The following ALK variants were observed in gnomAD, a reference collection of about 807,000 sequenced individuals.
The protein encoded by ALK is ALK tyrosine kinase receptor.
Under a neutral mutation model 163.1 loss-of-function variants are expected in ALK, and 74 were observed. That is an observed-to-expected ratio of 0.45 (90% CI 0.38 to 0.55). The LOEUF (loss-of-function observed/expected upper bound fraction) is 0.55. ALK is among the 20% of genes least tolerant of loss of function. ALK has a pLI of 0.00. For synonymous variants in ALK, 960 were observed against 843.2 expected, an observed-to-expected ratio of 1.14 and a Z score of -2.40; for missense variants, 2,063 against 2,105.3, an observed-to-expected ratio of 0.98 and a Z score of 0.39.
At chr2:29,505,848 G>A (rs1224098221) in intron 4 of ALK, among the ~76,000 whole-genome samples, 1 of 149,152 alleles carries the variant, frequency 6.7e-6, no homozygotes, top group East Asian at 2.0e-4. Context: ...TCAGCAGTCA[G>A]CAACATCCAT....
At chr2:29,768,288 C>T (rs575568642) in intron 1 of ALK, among the ~76,000 whole-genome samples, 1 of 152,276 alleles carries the variant, frequency 6.6e-6, no homozygotes, top group Non-Finnish European at 1.5e-5. Flanking sequence ...TCTGGGTAAA[C>T]GGGGGCCCAG....
At chr2:29,683,163 G>A (rs887404936) in intron 3 of ALK, among the ~76,000 whole-genome samples, 4 of 152,076 alleles carry the variant, frequency 2.6e-5, no homozygotes, top group Non-Finnish European at 4.4e-5. Flanking sequence ...GATCACTTGA[G>A]GTCAGGAGTT....
rs1309558657 is a variant in ALK, at chr2:29,225,537, T to A, written c.3096A>T (p.Pro1032=). 2.3e-5 allele frequency: 37 copies of A among 1,610,286 alleles called. No individual in the cohort carries two copies. The highest frequency in any genetic ancestry group is 3.1e-5 in the Non-Finnish European group (36 of 1,179,112). ...TCACCACAGAGAGGATCAGCGAGAG[T>A]GGCAGGTGTGGCTCCGGGGTGGGTG... The part of the protein sequence containing the change: ...IVSPTPEPHL[P]LSLILSVVTS... The change falls in exon 19 of 29, where the codon CCA becomes CCT. Residue 1032 remains proline, a synonymous_variant. Transcript: ENST00000389048.
At chr2:29,656,630 C>T (rs1677192633) in intron 3 of ALK, among the ~76,000 whole-genome samples, 1 of 152,168 alleles carries the variant, frequency 6.6e-6, no homozygotes, top group Non-Finnish European at 1.5e-5. Context: ...CCATTTTACA[C>T]ACAAGGAACC....
intron 8 of ALK, among the ~76,000 whole-genome samples, chr2:29,317,495 A>G (rs1666863764): frequency 6.6e-6 from 1 of 152,126 alleles, no homozygotes; most frequent in African/African-American, 2.4e-5. Context: ...TGTGCCAGGC[A>G]CCCTGTGGGC....
intron 3 of ALK, among the ~76,000 whole-genome samples, chr2:29,684,534 C>T (rs112989748): frequency 0.027 from 4,061 of 152,284 alleles, 185 homozygotes; most frequent in African/African-American, 0.093. Flanking sequence ...GCTGTGGCTG[C>T]CTTGGACAGC....
chr2:29,408,579 AG>A, intron 4 of ALK, among the ~76,000 whole-genome samples: 1 of 152,240 alleles, frequency 6.6e-6, no homozygotes, highest in Admixed American at 6.5e-5. Context: ...CATATATTAT[AG>A]GGACTTATAA....
chr2:29,732,702 G>C (rs993203418), intron 1 of ALK, among the ~76,000 whole-genome samples: 1 of 152,088 alleles, frequency 6.6e-6, no homozygotes, highest in Non-Finnish European at 1.5e-5. Flanking sequence ...AATGGGATTA[G>C]TGCCCACAGA....
At chr2:29,802,149 C>T (rs1664482765) in intron 1 of ALK, among the ~76,000 whole-genome samples, 1 of 151,766 alleles carries the variant, frequency 6.6e-6, no homozygotes, top group South Asian at 2.1e-4. Context: ...CATAAGAAAC[C>T]CATGCATGTC....
intron 1 of ALK, among the ~76,000 whole-genome samples, chr2:29,786,909 C>T (rs1362879362): frequency 6.6e-6 from 1 of 152,188 alleles, no homozygotes; most frequent in Non-Finnish European, 1.5e-5. Context: ...GATTCTCCTG[C>T]CTCAGCCTCC....
At chr2:29,604,237 T>C (rs768152773) in intron 3 of ALK, among the ~76,000 whole-genome samples, 1 of 151,296 alleles carries the variant, frequency 6.6e-6, no homozygotes, top group Non-Finnish European at 1.5e-5. Flanking sequence ...GACGTGAGGA[T>C]TACGTGAAAT....
chr2:29,261,876 G>A (rs1246509270), intron 11 of ALK, among the ~76,000 whole-genome samples: 1 of 152,154 alleles, frequency 6.6e-6, no homozygotes, highest in South Asian at 2.1e-4. Context: ...TCATGTATCA[G>A]GCTAAGGGGC....
At chr2:29,371,861 C>T (rs556790083) in intron 5 of ALK, among the ~76,000 whole-genome samples, 4 of 152,276 alleles carry the variant, frequency 2.6e-5, no homozygotes, top group Admixed American at 1.3e-4. Context: ...CCTCATGTTC[C>T]TCTGTCCACC....
intron 3 of ALK, among the ~76,000 whole-genome samples, chr2:29,637,924 A>G (rs1676588482): frequency 6.6e-6 from 1 of 152,156 alleles, no homozygotes; most frequent in Admixed American, 6.5e-5. Context: ...AAACATATAT[A>G]GTTGCTATTA....
chr2:29,500,651 T>C (rs1428570041), intron 4 of ALK, among the ~76,000 whole-genome samples: 1 of 152,128 alleles, frequency 6.6e-6, no homozygotes, highest in Admixed American at 6.5e-5. Flanking sequence ...TTCCTTGTCA[T>C]CCAGGAACTT....
chr2:29,361,009 G>A (rs1668373499), intron 5 of ALK, among the ~76,000 whole-genome samples: 1 of 151,952 alleles, frequency 6.6e-6, no homozygotes, highest in African/African-American at 2.4e-5. Context: ...AGAAGCATGG[G>A]CATATTTGAG....
At chr2:29,830,557 C>T (rs1285072604) in intron 1 of ALK, among the ~76,000 whole-genome samples, 3 of 151,858 alleles carry the variant, frequency 2.0e-5, no homozygotes, top group Admixed American at 2.0e-4. Context: ...GCACCAGCAT[C>T]ACATGGAAAC....
At chr2:29,606,279 G>A (rs1411903148) in intron 3 of ALK, among the ~76,000 whole-genome samples, 1 of 152,140 alleles carries the variant, frequency 6.6e-6, no homozygotes, top group Non-Finnish European at 1.5e-5. Context: ...CCACAATCTG[G>A]ATGATTCAGA....
At chr2:29,324,041 C>A (rs1428130366) in intron 6 of ALK, among the ~76,000 whole-genome samples, 1 of 152,192 alleles carries the variant, frequency 6.6e-6, no homozygotes, top group Non-Finnish European at 1.5e-5. Flanking sequence ...TTAAGAGGCT[C>A]CCCTAGTGAC....
Sources: gnomAD v4.1 joint callset for allele counts (sites outside exome capture counted in the v4.1 genomes callset) on GRCh38, gnomAD v4.1.1 for gene constraint, MANE v1.5 for transcripts, NCBI Gene and HGNC (gene_info 2026-07-23, HGNC 2026-07-21) for gene names.